NFIA: variants seen among roughly 807,000 people sequenced by gnomAD.
NFIA encodes the protein nuclear factor I A.
Under a neutral mutation model 62.8 loss-of-function variants are expected in NFIA, and 8 were observed. The ratio of observed to expected loss-of-function variants is 0.13; its 90% CI spans 0.07 to 0.23. The LOEUF (loss-of-function observed/expected upper bound fraction) is 0.23, where lower values mean the gene tolerates loss of function less well. Among genes scored for constraint, NFIA ranks in the 10% least tolerant of loss-of-function variants. The pLI, the probability that NFIA is intolerant of heterozygous loss-of-function variation, is 1.00. For synonymous variants in NFIA, 235 were observed against 238.1 expected (o/e 0.99, Z 0.12); for missense variants, 410 against 642.1 (o/e 0.64, Z 3.91).
At chr1:61,227,101 A>T (rs1421986250) in intron 2 of NFIA, among the ~76,000 whole-genome samples, 7 of 152,190 alleles carry the variant, frequency 4.6e-5, no homozygotes, top group Admixed American at 4.6e-4. Flanking sequence ...ATGAGTCTGG[A>T]GATAGCAGAC....
chr1:61,424,081 A>C (rs2100551123), intron 9 of NFIA, among the ~76,000 whole-genome samples: 1 of 152,216 alleles, frequency 6.6e-6, no homozygotes, highest in African/African-American at 2.4e-5. Flanking sequence ...AATTTCTAGA[A>C]GCTCTGGTAG....
intron 5 of NFIA, among the ~76,000 whole-genome samples, chr1:61,355,760 T>A (rs1414500771): frequency 1.6e-5 from 2 of 122,008 alleles, no homozygotes; most frequent in Non-Finnish European, 4.0e-5. Flanking sequence ...TAAAAAATAT[T>A]TTTTTTTGTA....
chr1:61,302,162 G>C (rs756016258), intron 3 of NFIA, among the ~76,000 whole-genome samples: 1 of 152,312 alleles, frequency 6.6e-6, no homozygotes, highest in East Asian at 1.9e-4. Flanking sequence ...GCAGTGAAGT[G>C]TGGGCTAGGA....
chr1:61,166,961 G>A (rs1649611835), intron 2 of NFIA, among the ~76,000 whole-genome samples: 1 of 152,104 alleles, frequency 6.6e-6, no homozygotes, highest in African/African-American at 2.4e-5. Flanking sequence ...CTAACACGGT[G>A]AAACCCCATC....
chr1:61,095,572 T>A (rs1646397098), intron 2 of NFIA, among the ~76,000 whole-genome samples: 1 of 152,160 alleles, frequency 6.6e-6, no homozygotes, highest in South Asian at 2.1e-4. Flanking sequence ...TCCAAACCCC[T>A]CCCATTGAGA....
At chr1:61,100,358 A>G (rs1646487065) in intron 2 of NFIA, among the ~76,000 whole-genome samples, 1 of 152,068 alleles carries the variant, frequency 6.6e-6, no homozygotes, top group South Asian at 2.1e-4. Flanking sequence ...TTTATTGACA[A>G]GCTCTACTGT....
At chr1:61,148,655 C>G (rs1648180674) in intron 2 of NFIA, among the ~76,000 whole-genome samples, 1 of 152,192 alleles carries the variant, frequency 6.6e-6, no homozygotes, top group African/African-American at 2.4e-5. Context: ...CTTCCAAACT[C>G]TATTGGTACT....
At chr1:61,313,598 T>C (rs1320859095) in intron 3 of NFIA, among the ~76,000 whole-genome samples, 1 of 152,168 alleles carries the variant, frequency 6.6e-6, no homozygotes, top group Non-Finnish European at 1.5e-5. Context: ...ACATGAGATT[T>C]AGAGGGAGCA....
At chr1:61,358,154 C>T (rs1410910411) in intron 5 of NFIA, among the ~76,000 whole-genome samples, 1 of 152,030 alleles carries the variant, frequency 6.6e-6, no homozygotes, top group Non-Finnish European at 1.5e-5. Context: ...GTCATTGGGC[C>T]ACTCTTTTTT....
intron 9 of NFIA, among the ~76,000 whole-genome samples, chr1:61,419,832 T>C (rs1335846626): frequency 6.6e-6 from 1 of 152,194 alleles, no homozygotes; most frequent in Non-Finnish European, 1.5e-5. Context: ...GAAGGAAGCT[T>C]GTGGGTATGT....
chr1:61,077,868 G>A (rs1646050966), upstream of NFIA, among the ~76,000 whole-genome samples: 1 of 144,382 alleles, frequency 6.9e-6, no homozygotes, highest in Admixed American at 6.9e-5. Context: ...TTTTTTTTTC[G>A]GGATTTGAAA....
intron 3 of NFIA, among the ~76,000 whole-genome samples, chr1:61,290,995 A>G (rs1023958833): frequency 6.6e-6 from 1 of 152,200 alleles, no homozygotes. Context: ...TTATTTAGCA[A>G]AGATGGTAAA....
chr1:61,226,683 T>C (rs993625473), intron 2 of NFIA, among the ~76,000 whole-genome samples: 1 of 152,166 alleles, frequency 6.6e-6, no homozygotes, highest in East Asian at 1.9e-4. Flanking sequence ...GTAAAGGGAT[T>C]TTACATCAGA....
rs1473356558 is a variant in NFIA, at chr1:61,459,186, G to A, written c.*3866G>A. The A allele has an allele frequency of 6.6e-6, 1 of 152,212 alleles. No homozygotes were observed. Among genetic ancestry groups the A allele is most frequent in the Non-Finnish European group, 1.5e-5 (1 of 68,078 alleles). 9.4% of individuals were successfully genotyped at this position (152,212 alleles called of 1,614,324 possible). Reference sequence around the variant, plus strand: ...TTGAAGGCCCAGCCCTTGACTCTGAGACACATTTGAATTTTTTCTTTCCCA... The same window carrying A: ...TTGAAGGCCCAGCCCTTGACTCTGAAACACATTTGAATTTTTTCTTTCCCA... On this transcript the variant is annotated 3_prime_UTR_variant, in exon 11 of 11. Coordinates refer to ENST00000403491, the MANE Select transcript of NFIA (RefSeq NM_001134673.4).
At chr1:61,174,065 T>G (rs1033154588) in intron 2 of NFIA, among the ~76,000 whole-genome samples, 2 of 152,212 alleles carry the variant, frequency 1.3e-5, no homozygotes, top group Non-Finnish European at 2.9e-5. Context: ...TTGACTGTTT[T>G]CTCCACTGTA....
At position 61,118,686 on chromosome 1, in the gene NFIA, G is replaced by A. The variant is rs1018313326; in HGVS notation, c.559+30006G>A. 1.3e-4 allele frequency among the ~76,000 whole-genome samples: 20 copies of A among 151,220 alleles called. 1 individual carries two copies. The East Asian group carries it at 3.7e-3, about 28-fold the overall frequency. ...TGTGTGTGTGTGTGTGTGTGTGTGTGTGTGTGTGTGTGTGTGTGTGTGTAC... is the reference window on the plus strand; with the variant it reads ...TGTGTGTGTGTGTGTGTGTGTGTGTATGTGTGTGTGTGTGTGTGTGTGTAC... On this transcript the variant is annotated intron_variant, in intron 2 of 10. Transcript: ENST00000403491.
Position 61,088,730 on chromosome 1 carries a change from C to T in NFIA, c.559+50C>T, listed in dbSNP as rs1206693987. 1.3e-6 allele frequency: 2 copies of T among 1,560,592 alleles called. No individual in the cohort carries two copies. The highest frequency in any genetic ancestry group is 1.8e-5 in the Admixed American group (1 of 55,850). On this transcript the variant is annotated intron_variant, in intron 2 of 10. Coordinates refer to ENST00000403491, the MANE Select transcript of NFIA (RefSeq NM_001134673.4). The surrounding 1 kb of genome is among the most constrained non-coding windows in gnomAD (Gnocchi z 4.5). ...CCCACTTTCTTGTGTGTGTTTCTTT[C>T]CTGATGGCCTCCGCGTTATGCCGGA...
intron 2 of NFIA, among the ~76,000 whole-genome samples, chr1:61,136,196 C>T (rs897475892): frequency 6.6e-6 from 1 of 152,192 alleles, no homozygotes; most frequent in African/African-American, 2.4e-5. Flanking sequence ...CACAGCCTGG[C>T]TTTCTTCCTT....
intron 5 of NFIA, among the ~76,000 whole-genome samples, chr1:61,352,837 G>C (rs1662627689): frequency 6.6e-6 from 1 of 151,844 alleles, no homozygotes; most frequent in South Asian, 2.1e-4. Flanking sequence ...GCTAAAAATA[G>C]TTAAAGAGAG....
Sources: allele counts gnomAD v4.1 joint callset (sites outside exome capture counted in the v4.1 genomes callset), GRCh38; gene constraint gnomAD v4.1.1; non-coding constraint Gnocchi (gnomAD v3.1); transcripts MANE v1.5; gene names NCBI Gene and HGNC (gene_info 2026-07-23, HGNC 2026-07-21).